The following MAMDC2 variants were observed in gnomAD, a reference collection of about 807,000 sequenced individuals.
MAMDC2 encodes MAM domain containing 2.
MAMDC2 carries 57 observed loss-of-function variants against 89.8 expected under a neutral mutation model. The ratio of observed to expected loss-of-function variants is 0.63; its 90% CI spans 0.51 to 0.79. The LOEUF (loss-of-function observed/expected upper bound fraction) is 0.79. MAMDC2 is among the 30% of genes least tolerant of loss of function. The pLI, the probability that MAMDC2 is intolerant of heterozygous loss-of-function variation, is 0.00. For missense variants in MAMDC2, 800 were observed against 820.6 expected (o/e 0.97, Z 0.31); for synonymous variants, 313 against 293.4 (o/e 1.07, Z -0.68).
intron 11 of MAMDC2, among the ~76,000 whole-genome samples, chr9:70,198,120 A>G (rs1023804390): frequency 2.0e-5 from 3 of 150,930 alleles, no homozygotes; most frequent in Non-Finnish European, 2.9e-5. Context: ...AAACTTTATT[A>G]TAAGTACATA....
intron 11 of MAMDC2, among the ~76,000 whole-genome samples, chr9:70,208,059 G>A (rs546215728): frequency 6.6e-6 from 1 of 152,296 alleles, no homozygotes; most frequent in Admixed American, 6.5e-5. Context: ...TTGCAGTCCG[G>A]TAGCGTAATG....
chr9:70,088,382 AGGCTGGC>A (rs1827818409), intron 2 of MAMDC2: 1 of 152,102 alleles, frequency 6.6e-6, no homozygotes, highest in Non-Finnish European at 1.5e-5. Context: ...GTATTTTAGG[AGGCTGGC>A]TGCTAGAAGC....
intron 12 of MAMDC2, among the ~76,000 whole-genome samples, chr9:70,221,924 A>G (rs189167987): frequency 5.2e-4 from 79 of 152,326 alleles, no homozygotes; most frequent in Non-Finnish European, 9.1e-4. Flanking sequence ...TTCCAAAAGC[A>G]GTAAGAAGCC....
chr9:70,093,377 C>G (rs1368489588), intron 2 of MAMDC2, among the ~76,000 whole-genome samples: 1 of 151,282 alleles, frequency 6.6e-6, no homozygotes. Context: ...TACTCATTAT[C>G]TTCTGATGTC....
chr9:70,149,457 G>A (rs1333732444), intron 9 of MAMDC2, among the ~76,000 whole-genome samples: 2 of 152,144 alleles, frequency 1.3e-5, no homozygotes, highest in African/African-American at 4.8e-5. Context: ...TCTGAAACTG[G>A]TGTGGCCTTT....
At chr9:70,078,671 T>C (rs564248192) in intron 2 of MAMDC2, among the ~76,000 whole-genome samples, 4 of 152,256 alleles carry the variant, frequency 2.6e-5, no homozygotes, top group African/African-American at 7.2e-5. Flanking sequence ...AGCAAGCAGT[T>C]TCAAGACATG....
At chr9:70,141,194 C>T (rs1185580904) in intron 8 of MAMDC2, among the ~76,000 whole-genome samples, 2 of 152,150 alleles carry the variant, frequency 1.3e-5, no homozygotes, top group East Asian at 3.8e-4. Context: ...GTTGCCTAAC[C>T]TGTAGAAATA....
At chr9:70,063,555 T>G (rs1827197303) in intron 2 of MAMDC2, among the ~76,000 whole-genome samples, 1 of 152,206 alleles carries the variant, frequency 6.6e-6, no homozygotes, top group Non-Finnish European at 1.5e-5. Flanking sequence ...CGTTATTTAC[T>G]ACTCTATTTC....
intron 11 of MAMDC2, among the ~76,000 whole-genome samples, chr9:70,180,308 G>A (rs1027484166): frequency 7.9e-5 from 12 of 152,128 alleles, no homozygotes; most frequent in African/African-American, 1.4e-4. Flanking sequence ...ATTGTAAATA[G>A]TGCTGCAGTA....
chr9:70,124,339 T>A (rs2030429910), intron 5 of MAMDC2, among the ~76,000 whole-genome samples: 1 of 152,252 alleles, frequency 6.6e-6, no homozygotes, highest in Non-Finnish European at 1.5e-5. Context: ...ACTTCACTCA[T>A]ACACTTAATC....
chr9:70,188,784 T>TTTTTTTTTTA (rs1554680332), intron 11 of MAMDC2: 3 of 149,018 alleles, frequency 2.0e-5, no homozygotes, highest in Non-Finnish European at 4.4e-5. Context: ...TTTTTTTTTT[T>TTTTTTTTTTA]AGAAAGAAGT....
chr9:70,139,717 A>T lies in MAMDC2; in HGVS notation c.995-428A>T, dbSNP rs572973129. ...CCACACTGACTTCCACAATGGTTGA[A>T]CTAGTTTACAGTCCTACCAACAGTG... On this transcript the variant is annotated intron_variant, in intron 7 of 13. Coordinates refer to ENST00000377182, the MANE Select transcript of MAMDC2 (RefSeq NM_153267.5). Among the ~76,000 whole-genome samples the T allele has an allele frequency of 3.9e-5, 6 of 152,284 alleles. No individual in the cohort carries two copies. In the South Asian group the frequency reaches 1.2e-3, roughly 32 times the overall value.
chr9:70,216,129 A>C (rs1309634096), intron 11 of MAMDC2, among the ~76,000 whole-genome samples: 1 of 152,174 alleles, frequency 6.6e-6, no homozygotes, highest in Non-Finnish European at 1.5e-5. Context: ...TTGGTCACCA[A>C]TTTCTGCATG....
intron 11 of MAMDC2, among the ~76,000 whole-genome samples, chr9:70,179,604 C>T (rs969922677): frequency 2.8e-5 from 4 of 144,908 alleles, no homozygotes; most frequent in African/African-American, 1.0e-4. Flanking sequence ...ATAACTAAGG[C>T]ATTCCTTTCT....
At chr9:70,152,316 C>T (rs1379234232) in intron 9 of MAMDC2, among the ~76,000 whole-genome samples, 1 of 152,090 alleles carries the variant, frequency 6.6e-6, no homozygotes, top group Admixed American at 6.5e-5. Context: ...AGCAAAGTAG[C>T]CTTATGGACA....
intron 7 of MAMDC2, 73 bp from the exon 8 acceptor site, chr9:70,140,072 T>A: frequency 7.0e-7 from 1 of 1,430,932 alleles, no homozygotes; most frequent in South Asian, 1.6e-5. Context: ...TATATATAAA[T>A]ATCTGTCAAC....
At chr9:70,224,136 T>G (rs1201929331) in intron 12 of MAMDC2, among the ~76,000 whole-genome samples, 1 of 152,182 alleles carries the variant, frequency 6.6e-6, no homozygotes, top group Non-Finnish European at 1.5e-5. Context: ...TGTTAGGACA[T>G]TTTTTCCCTC....
intron 2 of MAMDC2, among the ~76,000 whole-genome samples, chr9:70,050,295 A>G (rs2117978317): frequency 1.3e-5 from 2 of 152,338 alleles, no homozygotes; most frequent in South Asian, 4.1e-4. Context: ...AACCTGTTGA[A>G]TGACTGTATT....
At chr9:70,101,009 C>T (rs930517531) in intron 2 of MAMDC2, among the ~76,000 whole-genome samples, 2 of 152,158 alleles carry the variant, frequency 1.3e-5, no homozygotes, top group Admixed American at 6.5e-5. Flanking sequence ...TTTTGATCAA[C>T]GATGGGCATA....
Sources: gnomAD v4.1 joint callset for allele counts (sites outside exome capture counted in the v4.1 genomes callset) on GRCh38, gnomAD v4.1.1 for gene constraint, MANE v1.5 for transcripts, NCBI Gene and HGNC (gene_info 2026-07-23, HGNC 2026-07-21) for gene names.